Variants in ITGBL1 observed in about 807,000 individuals in gnomAD.
The protein encoded by ITGBL1 is integrin beta-like protein 1.
Under a neutral mutation model 68.5 loss-of-function variants are expected in ITGBL1, and 51 were observed. The observed-to-expected ratio is 0.74, with a 90% CI of 0.59 to 0.94. The LOEUF is 0.94. ITGBL1 is among the 40% of genes least tolerant of loss of function. ITGBL1 has a pLI of 0.00. For missense variants in ITGBL1, 649 were observed against 647.4 expected (o/e 1.00, Z -0.03); for synonymous variants, 209 against 227.3 (o/e 0.92, Z 0.72).
chr13:101,522,798 C>T (rs960415891), intron 2 of ITGBL1, among the ~76,000 whole-genome samples: 3 of 152,040 alleles, frequency 2.0e-5, no homozygotes, highest in African/African-American at 7.2e-5. Context: ...AGCTTTAAAC[C>T]CAGACACAAG....
intron 7 of ITGBL1, among the ~76,000 whole-genome samples, chr13:101,656,976 T>C (rs1039228733): frequency 2.0e-5 from 3 of 151,720 alleles, no homozygotes; most frequent in African/African-American, 7.3e-5. Flanking sequence ...TTAATTATAC[T>C]TTAAGTTTTA....
intron 2 of ITGBL1, among the ~76,000 whole-genome samples, chr13:101,478,318 A>C (rs1379388643): frequency 2.0e-5 from 3 of 152,052 alleles, no homozygotes; most frequent in Admixed American, 6.6e-5. Context: ...AACTGGGTAT[A>C]GAAGGAACAA....
chr13:101,556,118 G>A (rs1463772482), intron 2 of ITGBL1, among the ~76,000 whole-genome samples: 1 of 152,152 alleles, frequency 6.6e-6, no homozygotes, highest in East Asian at 1.9e-4. Flanking sequence ...CTCTATGGGA[G>A]AGGGGCTATC....
At chr13:101,533,668 T>G (rs888947461) in intron 2 of ITGBL1, among the ~76,000 whole-genome samples, 10 of 152,182 alleles carry the variant, frequency 6.6e-5, no homozygotes, top group African/African-American at 2.2e-4. Flanking sequence ...TGAAACTCAT[T>G]TGGTATGATA....
At chr13:101,506,552 C>T (rs913812937) in intron 2 of ITGBL1, among the ~76,000 whole-genome samples, 15 of 152,202 alleles carry the variant, frequency 9.9e-5, no homozygotes, top group Admixed American at 9.2e-4. Flanking sequence ...CAGGGCACAG[C>T]CAGGTCGGCA....
intron 5 of ITGBL1, 38 bp downstream of exon 5, chr13:101,579,465 C>T: frequency 6.3e-7 from 1 of 1,596,756 alleles, no homozygotes; most frequent in Non-Finnish European, 8.6e-7. Flanking sequence ...AATGGGGAGG[C>T]AAACAAAGCT....
chr13:101,508,406 G>A (rs546198057), intron 2 of ITGBL1, among the ~76,000 whole-genome samples: 27 of 152,202 alleles, frequency 1.8e-4, no homozygotes, highest in Non-Finnish European at 4.0e-4. Context: ...AAGATAGACT[G>A]GTAGGAGTTA....
intron 7 of ITGBL1, among the ~76,000 whole-genome samples, chr13:101,640,166 T>A (rs2032315125): frequency 6.6e-6 from 1 of 152,158 alleles, no homozygotes; most frequent in Admixed American, 6.5e-5. Flanking sequence ...CACTATTGCT[T>A]TTGAGAAAAA....
intron 7 of ITGBL1, among the ~76,000 whole-genome samples, chr13:101,670,748 A>C (rs2033338698): frequency 6.6e-6 from 1 of 152,212 alleles, no homozygotes; most frequent in Non-Finnish European, 1.5e-5. Flanking sequence ...TCATCTTATG[A>C]AAGAGTTATT....
intron 2 of ITGBL1, among the ~76,000 whole-genome samples, chr13:101,477,843 T>C (rs77254540): frequency 0.012 from 1,834 of 152,112 alleles, 35 homozygotes; most frequent in East Asian, 0.1. Flanking sequence ...TGTACATTGA[T>C]GAAAAGTTTC....
At chr13:101,469,580 G>A (rs2048429510) in intron 2 of ITGBL1, among the ~76,000 whole-genome samples, 1 of 152,204 alleles carries the variant, frequency 6.6e-6, no homozygotes, top group African/African-American at 2.4e-5. Flanking sequence ...CTACTTGGGA[G>A]GCTGAGACAG....
chr13:101,474,603 A>G (rs532734735), intron 2 of ITGBL1, among the ~76,000 whole-genome samples: 7 of 152,238 alleles, frequency 4.6e-5, no homozygotes, highest in Admixed American at 6.5e-5. Flanking sequence ...TGTGGTTGCT[A>G]TGAGCCTTGG....
chr13:101,528,449 T>C (rs1216336954), intron 2 of ITGBL1, among the ~76,000 whole-genome samples: 1 of 151,860 alleles, frequency 6.6e-6, no homozygotes, highest in East Asian at 1.9e-4. Flanking sequence ...TTGATTTTTC[T>C]CTATAGTTTG....
At chr13:101,679,344 G>A (rs542768518) in intron 7 of ITGBL1, among the ~76,000 whole-genome samples, 1 of 152,338 alleles carries the variant, frequency 6.6e-6, no homozygotes, top group Admixed American at 6.5e-5. Flanking sequence ...TTACAGTTGA[G>A]TGTGTTTGTT....
chr13:101,583,480 A>G lies in ITGBL1; in HGVS notation c.868+124A>G, dbSNP rs370090889. The stretch of plus-strand genomic sequence containing the variant: ...TACTGTTGGATAGCACAATAGGGTG[A>G]CTATAGTCAATAACTTAATTGTACA... On this transcript the variant is annotated intron_variant, in intron 6 of 10. Transcript: ENST00000376180. The G allele has an allele frequency of 6.3e-4, 414 of 657,556 alleles. 1 individual carries two copies. In the Middle Eastern group the frequency reaches 0.01, roughly 16 times the overall value. The allele number at this position is 657,556 out of a possible 1,614,324, so 40.7% of individuals were successfully genotyped here. A position where few individuals can be genotyped will look rare whatever the true frequency, so the allele number is the denominator to read the frequency against.
intron 2 of ITGBL1, among the ~76,000 whole-genome samples, chr13:101,470,342 T>A (rs1057281203): frequency 1.3e-5 from 2 of 152,046 alleles, no homozygotes; most frequent in African/African-American, 4.8e-5. Flanking sequence ...TTTATTTTTT[T>A]TTTTTGAGAT....
At chr13:101,503,155 C>A (rs778431683) in intron 2 of ITGBL1, among the ~76,000 whole-genome samples, 10 of 152,154 alleles carry the variant, frequency 6.6e-5, no homozygotes, top group African/African-American at 9.7e-5. Context: ...CCAAGTTTTC[C>A]TATACTGTGA....
chr13:101,655,395 A>G (rs1190124385), intron 7 of ITGBL1, among the ~76,000 whole-genome samples: 2 of 35,238 alleles, frequency 5.7e-5, no homozygotes, highest in Admixed American at 4.4e-4. Context: ...AATTTAGTCA[A>G]ATTTATGCAT....
chr13:101,535,976 A>G (rs922184644), intron 2 of ITGBL1, among the ~76,000 whole-genome samples: 1 of 152,076 alleles, frequency 6.6e-6, no homozygotes, highest in African/African-American at 2.4e-5. Flanking sequence ...TTTGAAATAG[A>G]TTTTGTGTTT....
Sources: gnomAD v4.1 joint callset for allele counts (sites outside exome capture counted in the v4.1 genomes callset) on GRCh38, gnomAD v4.1.1 for gene constraint, MANE v1.5 for transcripts, NCBI Gene and HGNC (gene_info 2026-07-23, HGNC 2026-07-21) for gene names.